The following DNAI4 variants were observed in gnomAD, a reference collection of about 807,000 sequenced individuals.
The protein encoded by DNAI4 is dynein axonemal intermediate chain 4, also known as WD repeat domain 78.
DNAI4 carries 85 observed loss-of-function variants against 105.8 expected under a neutral mutation model. That is an observed-to-expected ratio of 0.80 (90% confidence interval 0.67 to 0.96). The LOEUF (loss-of-function observed/expected upper bound fraction) is 0.96, where lower values mean the gene tolerates loss of function less well. Ranked by LOEUF, DNAI4 falls within the 40% of genes least tolerant of loss-of-function variation. The pLI is 0.00. For synonymous variants in DNAI4, 352 were observed against 331.5 expected (o/e 1.06, Z -0.67); for missense variants, 1,014 against 1,005.6 (o/e 1.01, Z -0.11).
chr1:66,816,737 A>T (rs1166329234), intron 16 of DNAI4, among the ~76,000 whole-genome samples: 2 of 118,144 alleles, frequency 1.7e-5, no homozygotes, highest in East Asian at 2.2e-4. Context: ...TCACACACAC[A>T]CACACACACA....
At chr1:66,854,956 C>A (rs537964964) in intron 7 of DNAI4, among the ~76,000 whole-genome samples, 2 of 152,260 alleles carry the variant, frequency 1.3e-5, no homozygotes, top group Non-Finnish European at 2.9e-5. Context: ...GCTTTGATAT[C>A]CTAGGGCCTT....
At chr1:66,849,938 T>C (rs1426124063) in intron 7 of DNAI4, among the ~76,000 whole-genome samples, 1 of 152,018 alleles carries the variant, frequency 6.6e-6, no homozygotes, top group African/African-American at 2.4e-5. Flanking sequence ...ACAACATATG[T>C]ACCATTCATA....
At chr1:66,875,037 A>G in intron 4 of DNAI4, 100 bp from the exon 5 acceptor site, 4 of 1,157,848 alleles carry the variant, frequency 3.5e-6, no homozygotes, top group African/African-American at 1.6e-5. Flanking sequence ...AATATATTGC[A>G]GGTGGTTTAT....
intron 4 of DNAI4, among the ~76,000 whole-genome samples, chr1:66,886,456 A>G (rs1164659235): frequency 1.3e-5 from 2 of 152,202 alleles, no homozygotes; most frequent in African/African-American, 2.4e-5. Context: ...TAAGGCCTTC[A>G]GCAGAAGAAT....
At chr1:66,910,996 A>G (rs1649615982) in intron 1 of DNAI4, among the ~76,000 whole-genome samples, 1 of 152,176 alleles carries the variant, frequency 6.6e-6, no homozygotes, top group East Asian at 1.9e-4. Flanking sequence ...TTGTCCTCCA[A>G]TTCAATTCCA....
chr1:66,888,663 A>C (rs1647346426), intron 4 of DNAI4, among the ~76,000 whole-genome samples: 1 of 152,240 alleles, frequency 6.6e-6, no homozygotes, highest in African/African-American at 2.4e-5. Flanking sequence ...ACTGAACTCT[A>C]GCCTGGGTGA....
At chr1:66,814,709 G>C (rs781094193) in intron 16 of DNAI4, among the ~76,000 whole-genome samples, 3 of 152,154 alleles carry the variant, frequency 2.0e-5, no homozygotes, top group Non-Finnish European at 4.4e-5. Context: ...ATTTTATAAA[G>C]ATTCAGTAAG....
chr1:66,881,985 C>T (rs1233257799), intron 4 of DNAI4, among the ~76,000 whole-genome samples: 1 of 152,078 alleles, frequency 6.6e-6, no homozygotes, highest in Non-Finnish European at 1.5e-5. Flanking sequence ...TGGGAGTTTC[C>T]CTGAACAACC....
At chr1:66,871,036 G>A in intron 6 of DNAI4, 1 of 237,474 alleles carries the variant, frequency 4.2e-6, no homozygotes, top group Non-Finnish European at 8.0e-6. Context: ...GAAGGACATA[G>A]TGTCTGACAC....
intron 9 of DNAI4, among the ~76,000 whole-genome samples, chr1:66,838,691 C>G (rs1354266817): frequency 6.6e-6 from 1 of 152,178 alleles, no homozygotes; most frequent in African/African-American, 2.4e-5. Flanking sequence ...CCAACGTAAT[C>G]TCTCCATAAT....
intron 1 of DNAI4, among the ~76,000 whole-genome samples, chr1:66,917,384 T>C (rs1650144804): frequency 6.6e-6 from 1 of 152,204 alleles, no homozygotes; most frequent in South Asian, 2.1e-4. Context: ...GGTGGTTCTA[T>C]AATCAACTAT....
At chr1:66,823,057 A>C (rs1184782281) in intron 15 of DNAI4, among the ~76,000 whole-genome samples, 59 of 134,946 alleles carry the variant, frequency 4.4e-4, no homozygotes, top group African/African-American at 8.2e-4. Context: ...ATCCCTCCCC[A>C]CTCCCCCCAC....
chr1:66,853,859 T>C (rs1646445609), intron 7 of DNAI4, among the ~76,000 whole-genome samples: 1 of 152,118 alleles, frequency 6.6e-6, no homozygotes. Context: ...GTGATAGAAG[T>C]TCTAGCAGAG....
intron 4 of DNAI4, among the ~76,000 whole-genome samples, chr1:66,876,812 AG>A (rs1024572267): frequency 2.0e-5 from 3 of 151,870 alleles, no homozygotes; most frequent in Non-Finnish European, 4.4e-5. Context: ...CCAATGATGG[AG>A]GGAACATCTA....
chr1:66,835,315 T>C (rs766538361), intron 11 of DNAI4, among the ~76,000 whole-genome samples: 7 of 152,156 alleles, frequency 4.6e-5, no homozygotes, highest in Non-Finnish European at 1.0e-4. Flanking sequence ...AAGGTATGTA[T>C]AGGTTGCACA....
In DNAI4 at chr1:66,812,913, T is replaced by C. The variant is rs1427009412; in HGVS notation, c.*1217A>G. On this transcript the variant is annotated 3_prime_UTR_variant, in exon 17 of 17. Coordinates refer to ENST00000371026, the MANE Select transcript of DNAI4 (RefSeq NM_024763.5). ...TTTCAGTTAGATCAAGTTTTTTATTTTCTTACACAAGGTGTTATAGAAAAT... is the reference window on the plus strand; with the variant it reads ...TTTCAGTTAGATCAAGTTTTTTATTCTCTTACACAAGGTGTTATAGAAAAT... The C allele has an allele frequency of 6.6e-6, 1 of 152,354 alleles. No homozygotes were observed. The highest frequency in any genetic ancestry group is 6.5e-5 in the Admixed American group (1 of 15,282). The allele number at this position is 152,354 out of a possible 1,614,324, so 9.4% of individuals were successfully genotyped here. A position where few individuals can be genotyped will look rare whatever the true frequency, so the allele number is the denominator to read the frequency against.
Position 66,857,724 on chromosome 1 carries a change from G to A in DNAI4, c.1096+4423C>T, listed in dbSNP as rs147603255. Among the ~76,000 whole-genome samples the A allele has an allele frequency of 4.9e-3, 741 of 152,038 alleles. 4 individuals are homozygous for A. The highest frequency in any genetic ancestry group is 0.02 in the South Asian group (96 of 4,810). ...TGATTTTGAATTTTTAGTACAGACG[G>A]AGTTTCTCCGTCTGTTGGTCAGGCT... On this transcript the variant is annotated intron_variant, in intron 7 of 16. Transcript: ENST00000371026.
chr1:66,910,346 T>G (rs1296967642), intron 1 of DNAI4, among the ~76,000 whole-genome samples: 1 of 152,262 alleles, frequency 6.6e-6, no homozygotes, highest in African/African-American at 2.4e-5. Flanking sequence ...AAATCTTACA[T>G]GCATACAGCT....
intron 10 of DNAI4, among the ~76,000 whole-genome samples, chr1:66,837,021 C>T (rs918730914): frequency 6.6e-6 from 1 of 152,028 alleles, no homozygotes; most frequent in Admixed American, 6.6e-5. Flanking sequence ...GAATAACAGT[C>T]AGGTGATAAG....
Sources: gnomAD v4.1 joint callset for allele counts (sites outside exome capture counted in the v4.1 genomes callset) on GRCh38, gnomAD v4.1.1 for gene constraint, MANE v1.5 for transcripts, NCBI Gene and HGNC (gene_info 2026-07-23, HGNC 2026-07-21) for gene names.